The following UNC13C variants were observed in gnomAD, a reference collection of about 807,000 sequenced individuals.
UNC13C encodes the protein unc-13 homolog C.
UNC13C carries 174 observed loss-of-function variants against 245.4 expected under a neutral mutation model. The observed-to-expected ratio is 0.71, with a 90% CI of 0.63 to 0.80. UNC13C has a LOEUF of 0.80. Ranked by LOEUF, UNC13C falls within the 30% of genes least tolerant of loss-of-function variation. The pLI is 0.00. For synonymous variants in UNC13C, 992 were observed against 895.1 expected (o/e 1.11, Z -1.93); for missense variants, 2,829 against 2,602.9 (o/e 1.09, Z -1.89).
chr15:54,563,777 C>T (rs887442747), intron 29 of UNC13C, among the ~76,000 whole-genome samples: 1 of 151,916 alleles, frequency 6.6e-6, no homozygotes, highest in Admixed American at 6.6e-5. Flanking sequence ...CATACATCAC[C>T]CTCACATTTA....
rs149235997 is a variant in UNC13C, at chr15:54,044,137, C to T, written c.2983+28251C>T. On this transcript the variant is annotated intron_variant, in intron 2 of 32. Coordinates refer to ENST00000260323, the MANE Select transcript of UNC13C (RefSeq NM_001080534.3). ...TCTACCTTCTGTCCCTGTGGAGTTGCCTTTTCTGAACCTTTCATATAAATG... is the reference window on the plus strand; with the variant it reads ...TCTACCTTCTGTCCCTGTGGAGTTGTCTTTTCTGAACCTTTCATATAAATG... Among the ~76,000 whole-genome samples the T allele has an allele frequency of 6.3e-3, 959 of 152,218 alleles. 6 individuals carry two copies. The highest frequency in any genetic ancestry group is 0.01 in the Middle Eastern group (3 of 294).
At chr15:53,869,500 G>T in the UNC13C span, among the ~76,000 whole-genome samples, 1 of 152,132 alleles carries the variant, frequency 6.6e-6, no homozygotes, top group Admixed American at 6.5e-5. Context: ...GAATATTAGA[G>T]TCTTCATTAG....
chr15:53,932,258 G>A, the UNC13C span, among the ~76,000 whole-genome samples: 2 of 152,002 alleles, frequency 1.3e-5, no homozygotes, highest in South Asian at 2.1e-4. Flanking sequence ...GCAGTGAGCC[G>A]AGATTTCACC....
At chr15:53,966,735 G>A in the UNC13C span, among the ~76,000 whole-genome samples, 28 of 151,470 alleles carry the variant, frequency 1.8e-4, 1 homozygote, top group African/African-American at 5.8e-4. Context: ...TCAGGCATGC[G>A]GTATGCCCTC....
the UNC13C span, among the ~76,000 whole-genome samples, chr15:53,959,990 G>A: frequency 6.6e-6 from 1 of 152,128 alleles, no homozygotes. Context: ...CCTGGGATAA[G>A]CATTACTTTT....
intron 24 of UNC13C, among the ~76,000 whole-genome samples, chr15:54,514,993 T>C (rs899211954): frequency 5.9e-5 from 9 of 152,066 alleles, no homozygotes; most frequent in African/African-American, 2.2e-4. Flanking sequence ...CTAATTTTCT[T>C]CTCCTCTAAA....
At chr15:53,982,410 G>C (rs1161454807) in intron 1 of UNC13C, among the ~76,000 whole-genome samples, 1 of 150,618 alleles carries the variant, frequency 6.6e-6, no homozygotes, top group Non-Finnish European at 1.5e-5. Flanking sequence ...GCAGTGATTG[G>C]ACAGAGTGGG....
intron 1 of UNC13C, among the ~76,000 whole-genome samples, chr15:53,995,304 G>C (rs934476326): frequency 2.6e-5 from 4 of 151,988 alleles, no homozygotes; most frequent in African/African-American, 9.7e-5. Context: ...TTGTAAAGAA[G>C]GAAACCTACT....
At chr15:54,536,743 CA>C (rs1895999031) in intron 26 of UNC13C, among the ~76,000 whole-genome samples, 1 of 152,052 alleles carries the variant, frequency 6.6e-6, no homozygotes, top group Admixed American at 6.6e-5. Context: ...ATGATCATCT[CA>C]ATAGATGCAG....
intron 30 of UNC13C, among the ~76,000 whole-genome samples, chr15:54,589,286 CTTCTTTTT>C (rs1175152257): frequency 2.6e-5 from 2 of 77,920 alleles, no homozygotes; most frequent in Non-Finnish European, 5.1e-5. Flanking sequence ...TCTTCTTCTT[CTTCTTTTT>C]TTTTTTTTTT....
intron 19 of UNC13C, among the ~76,000 whole-genome samples, chr15:54,466,191 TG>T (rs1267501783): frequency 1.3e-5 from 2 of 151,728 alleles, no homozygotes; most frequent in African/African-American, 4.8e-5. Context: ...GTTGCAAAGG[TG>T]GGGAAAGAGA....
chr15:53,907,001 G>A, the UNC13C span, among the ~76,000 whole-genome samples: 7 of 152,254 alleles, frequency 4.6e-5, no homozygotes, highest in South Asian at 4.1e-4. Flanking sequence ...CTCTCGACAC[G>A]TGGGGAGTAT....
At chr15:53,950,724 A>C in the UNC13C span, among the ~76,000 whole-genome samples, 2 of 152,306 alleles carry the variant, frequency 1.3e-5, no homozygotes, top group South Asian at 4.1e-4. Context: ...TCAGGGCTGA[A>C]GACACAGAAA....
chr15:53,895,567 T>A, the UNC13C span, among the ~76,000 whole-genome samples: 2 of 152,178 alleles, frequency 1.3e-5, no homozygotes, highest in Non-Finnish European at 2.9e-5. Flanking sequence ...CCAGCTGAAG[T>A]AAGCTGTATA....
Position 54,264,225 on chromosome 15 carries a change from C to A in UNC13C, c.3506C>A (p.Thr1169Lys). ...GAEDKTQTII[T>K]AMKERMKIRE... ...GAAGACAAGACTCAGACCATTATTA[C>A]AGCAATGAAAGAAAGAATGAAGATC... Residue 1169 changes from threonine to lysine, a missense_variant, in exon 9 of 33, where the codon ACA (threonine) becomes AAA (lysine). Transcript: ENST00000260323. 1 of 1,595,182 alleles carries A rather than the reference C, an allele frequency of 6.3e-7. No individual in the cohort carries two copies. Among genetic ancestry groups the A allele is most frequent in the Non-Finnish European group, 8.5e-7 (1 of 1,170,236 alleles).
intron 17 of UNC13C, among the ~76,000 whole-genome samples, chr15:54,388,579 T>A (rs1039798317): frequency 2.0e-5 from 3 of 152,230 alleles, no homozygotes; most frequent in African/African-American, 7.2e-5. Context: ...CAAGATATTT[T>A]TATTATCTTA....
At chr15:53,984,205 AT>A (rs201886390) in intron 1 of UNC13C, among the ~76,000 whole-genome samples, 36 of 151,548 alleles carry the variant, frequency 2.4e-4, no homozygotes, top group African/African-American at 6.0e-4. Context: ...ATGGCAAAAT[AT>A]TTTTTTTTAC....
At chr15:54,315,696 T>A (rs796580440) in intron 13 of UNC13C, among the ~76,000 whole-genome samples, 4 of 151,884 alleles carry the variant, frequency 2.6e-5, no homozygotes, top group African/African-American at 7.2e-5. Context: ...GGAAGCTCTA[T>A]GAGCACCTTA....
At chr15:54,475,370 A>G (rs1567307754) in intron 19 of UNC13C, among the ~76,000 whole-genome samples, 1 of 151,334 alleles carries the variant, frequency 6.6e-6, no homozygotes, top group Non-Finnish European at 1.5e-5. Flanking sequence ...GGTTAGTTAC[A>G]TATGTACACA....
Sources: gnomAD v4.1 joint callset for allele counts (sites outside exome capture counted in the v4.1 genomes callset) on GRCh38, gnomAD v4.1.1 for gene constraint, MANE v1.5 for transcripts, NCBI Gene and HGNC (gene_info 2026-07-23, HGNC 2026-07-21) for gene names.